BMPR2: variants seen among roughly 807,000 people sequenced by gnomAD.
BMPR2 encodes the protein bone morphogenetic protein receptor type 2.
BMPR2 carries 29 observed loss-of-function variants against 100.8 expected under a neutral mutation model. That is an observed-to-expected ratio of 0.29 (90% CI 0.21 to 0.39). The LOEUF (loss-of-function observed/expected upper bound fraction) is 0.39. Among genes scored for constraint, BMPR2 ranks in the 10% least tolerant of loss-of-function variants. The pLI is 1.00. For missense variants in BMPR2, 1,011 were observed against 1,274.5 expected, an observed-to-expected ratio of 0.79 and a Z score of 3.15; for synonymous variants, 382 against 442.3, an observed-to-expected ratio of 0.86 and a Z score of 1.71.
At chr2:202,394,472 CT>C (rs1690620178) in intron 1 of BMPR2, among the ~76,000 whole-genome samples, 1 of 151,994 alleles carries the variant, frequency 6.6e-6, no homozygotes, top group East Asian at 1.9e-4. Flanking sequence ...AAAATAGCTA[CT>C]GTTTAACAAA....
At chr2:202,507,021 C>CGAGATCGT (rs1363106423) in intron 3 of BMPR2, among the ~76,000 whole-genome samples, 1 of 150,914 alleles carries the variant, frequency 6.6e-6, no homozygotes, top group Admixed American at 6.6e-5. Context: ...TGTAGTGACC[C>CGAGATCGT]GAGATCGTGC....
intron 1 of BMPR2, among the ~76,000 whole-genome samples, chr2:202,440,214 G>A (rs575377564): frequency 1.3e-5 from 2 of 150,574 alleles, no homozygotes; most frequent in Non-Finnish European, 2.9e-5. Flanking sequence ...ATCGTGGCCC[G>A]TTCTCAATGA....
chr2:202,533,639 A>G (rs1319217243), intron 9 of BMPR2, among the ~76,000 whole-genome samples: 2 of 152,200 alleles, frequency 1.3e-5, no homozygotes, highest in East Asian at 3.8e-4. Context: ...CCTGGCCAAT[A>G]TGGTGAAACC....
chr2:202,503,241 C>T lies in BMPR2; in HGVS notation c.419-10478C>T, dbSNP rs13023626. On this transcript the variant is annotated intron_variant, in intron 3 of 12. Transcript: ENST00000374580. The surrounding 1 kb of genome is among the most constrained non-coding windows in gnomAD (Gnocchi z 4.0). ...GCGTGCTGGCAGTCCTCACAGCCCTCGCTCACTCTCAGCGCCTCTGCCTGG... is the reference window on the plus strand; with the variant it reads ...GCGTGCTGGCAGTCCTCACAGCCCTTGCTCACTCTCAGCGCCTCTGCCTGG... Among the ~76,000 whole-genome samples the T allele has an allele frequency of 0.058, 8,819 of 152,342 alleles. 354 individuals are homozygous for T. The highest frequency in any genetic ancestry group is 0.14 in the South Asian group (653 of 4,828).
At chr2:202,538,121 C>G (rs1472059675) in intron 9 of BMPR2, among the ~76,000 whole-genome samples, 2 of 151,482 alleles carry the variant, frequency 1.3e-5, no homozygotes, top group East Asian at 3.9e-4. Context: ...GACTCCATGT[C>G]AAAAACTAAA....
rs768979615 is a variant in BMPR2, at chr2:202,555,487, C to T, written c.1822C>T (p.Leu608Phe). ...IPSPETSVTS[L>F]STNTTTTNTT... Reference sequence around the variant, plus strand: ...CAGCCCTGAAACAAGTGTCACCAGCCTCTCCACCAACACAACAACCACAAA... The same window carrying T: ...CAGCCCTGAAACAAGTGTCACCAGCTTCTCCACCAACACAACAACCACAAA... Residue 608 changes from leucine (L) to phenylalanine (F), a missense_variant, in exon 12 of 13, where the codon CTC (leucine) becomes TTC (phenylalanine). By Grantham distance (22) the Leu-to-Phe change is conservative. Around this residue, in one of 6 missense-constraint regions of BMPR2, gnomAD observed 508 missense variants for 552.0 expected, o/e 0.92. Transcript: ENST00000374580. 2.4e-5 allele frequency: 39 copies of T among 1,614,068 alleles called. No individual in the cohort carries two copies. The highest frequency in any genetic ancestry group is 3.2e-5 in the Non-Finnish European group (38 of 1,179,976).
At chr2:202,524,068 A>G (rs916014865) in intron 7 of BMPR2, among the ~76,000 whole-genome samples, 1 of 151,976 alleles carries the variant, frequency 6.6e-6, no homozygotes, top group Non-Finnish European at 1.5e-5. Flanking sequence ...AAGGGCTAAA[A>G]ACTAACTGTT....
chr2:202,539,713 GAA>G (rs1688236434), intron 9 of BMPR2, among the ~76,000 whole-genome samples: 3 of 151,866 alleles, frequency 2.0e-5, no homozygotes, highest in Non-Finnish European at 2.9e-5. Flanking sequence ...AAGAAAAAAA[GAA>G]GAGATAGAAA....
At chr2:202,519,464 A>G (rs1027469847) in intron 6 of BMPR2, among the ~76,000 whole-genome samples, 12 of 152,250 alleles carry the variant, frequency 7.9e-5, no homozygotes, top group African/African-American at 2.9e-4. Flanking sequence ...CACAAACTGG[A>G]TTATTAATGG....
At chr2:202,551,824 G>A (rs1032717166) in intron 10 of BMPR2, among the ~76,000 whole-genome samples, 1 of 150,930 alleles carries the variant, frequency 6.6e-6, no homozygotes, top group Admixed American at 6.6e-5. Flanking sequence ...AGCCTCCCAA[G>A]TAGCTGGGAC....
chr2:202,448,747 C>T (rs894231970), intron 1 of BMPR2, among the ~76,000 whole-genome samples: 1 of 151,930 alleles, frequency 6.6e-6, no homozygotes, highest in African/African-American at 2.4e-5. Context: ...TGAGCCACCG[C>T]GCCCGGCCTC....
At position 202,377,523 on chromosome 2, in the gene BMPR2, A is replaced by G. The variant is rs766753997; in HGVS notation, c.49A>G (p.Thr17Ala). The change falls in exon 1 of 13, where the codon ACC (threonine) becomes GCC (alanine). Residue 17 changes from threonine to alanine, a missense_variant. Thr to Ala is a moderately conservative substitution (Grantham distance 58). Coordinates refer to ENST00000374580, the MANE Select transcript of BMPR2 (RefSeq NM_001204.7). ...RPWRVPWLPW[T>A]ILLVSTAAAS... Reference sequence around the variant, plus strand: ...CTGGCGGGTGCCCTGGCTACCATGGACCATCCTGCTGGTCAGCACTGCGGC... The same window carrying G: ...CTGGCGGGTGCCCTGGCTACCATGGGCCATCCTGCTGGTCAGCACTGCGGC... 2 of 1,614,106 alleles carry G rather than the reference A, an allele frequency of 1.2e-6. No homozygotes were observed. The highest frequency in any genetic ancestry group is 1.1e-5 in the South Asian group (1 of 91,072).
intron 3 of BMPR2, among the ~76,000 whole-genome samples, chr2:202,473,656 T>C (rs1159948707): frequency 6.6e-6 from 1 of 151,808 alleles, no homozygotes; most frequent in African/African-American, 2.4e-5. Context: ...CTGGGTGTGG[T>C]AGTGGGCGCC....
At chr2:202,445,590 C>T (rs1691833436) in intron 1 of BMPR2, among the ~76,000 whole-genome samples, 3 of 149,606 alleles carry the variant, frequency 2.0e-5, no homozygotes, top group Admixed American at 6.6e-5. Context: ...ATTTACATTC[C>T]CACCAACAGT....
At chr2:202,531,151 A>C (rs182021956) in intron 8 of BMPR2, among the ~76,000 whole-genome samples, 197 bp downstream of exon 8, 1 of 152,248 alleles carries the variant, frequency 6.6e-6, no homozygotes, top group African/African-American at 2.4e-5. Flanking sequence ...AAAAATACAA[A>C]AATTAGCCGG....
intron 1 of BMPR2, among the ~76,000 whole-genome samples, chr2:202,450,824 T>C (rs547758302): frequency 6.6e-6 from 1 of 152,164 alleles, no homozygotes; most frequent in African/African-American, 2.4e-5. Flanking sequence ...TAGATTAAGA[T>C]ACTCTGTTTT....
At chr2:202,557,186 C>T (rs562364431) in intron 12 of BMPR2, among the ~76,000 whole-genome samples, 1 of 151,662 alleles carries the variant, frequency 6.6e-6, no homozygotes, top group East Asian at 2.0e-4. Context: ...CAAAAATGGC[C>T]AGGCACAGTG....
chr2:202,528,361 G>C (rs1687957439), intron 7 of BMPR2, among the ~76,000 whole-genome samples: 1 of 152,058 alleles, frequency 6.6e-6, no homozygotes, highest in African/African-American at 2.4e-5. Flanking sequence ...CTGATTTTTT[G>C]TATTTTTAGT....
chr2:202,531,663 C>T (rs1263729708), intron 8 of BMPR2, among the ~76,000 whole-genome samples: 1 of 152,118 alleles, frequency 6.6e-6, no homozygotes, highest in Non-Finnish European at 1.5e-5. Flanking sequence ...TGGAGTTTCA[C>T]TTTTGTTGCC....
Sources: gnomAD v4.1 joint callset for allele counts (sites outside exome capture counted in the v4.1 genomes callset) on GRCh38, gnomAD v4.1.1 for gene constraint, gnomAD v4.1.1 regional missense constraint, Gnocchi (gnomAD v3.1) non-coding constraint, MANE v1.5 for transcripts, NCBI Gene and HGNC (gene_info 2026-07-23, HGNC 2026-07-21) for gene names.